CAMTA1: variants seen among roughly 807,000 people sequenced by gnomAD.
The protein encoded by CAMTA1 is calmodulin-binding transcription activator 1.
CAMTA1 carries 27 observed loss-of-function variants against 170.9 expected under a neutral mutation model. The observed-to-expected ratio is 0.16, with a 90% CI of 0.12 to 0.22. The LOEUF (loss-of-function observed/expected upper bound fraction) is 0.22, where lower values mean the gene tolerates loss of function less well. Among genes scored for constraint, CAMTA1 ranks in the 10% least tolerant of loss-of-function variants. The probability of loss-of-function intolerance (pLI) is 1.00; values close to 1 mark genes in which losing one functional copy is unlikely to be tolerated. For synonymous variants in CAMTA1, 833 were observed against 891.5 expected (o/e 0.93, Z 1.17); for missense variants, 1,619 against 2,217.2 (o/e 0.73, Z 5.42).
chr1:7,509,087 C>T (rs2094163978), intron 6 of CAMTA1, among the ~76,000 whole-genome samples: 1 of 152,210 alleles, frequency 6.6e-6, no homozygotes. Context: ...ACTCACCCCA[C>T]TGGGATGGCT....
At chr1:6,948,785 CT>C (rs1687976215) in intron 3 of CAMTA1, among the ~76,000 whole-genome samples, 1 of 152,282 alleles carries the variant, frequency 6.6e-6, no homozygotes, top group African/African-American at 2.4e-5. Context: ...ATGGCAGGGT[CT>C]CCCCTCAAAC....
chr1:7,272,712 A>AAAAAAAAAAAAAAAAAAAAAAAAAAAAG (rs1670017608), intron 5 of CAMTA1, among the ~76,000 whole-genome samples: 8 of 109,948 alleles, frequency 7.3e-5, no homozygotes, highest in Non-Finnish European at 1.6e-4. Flanking sequence ...AAAAAAAAAA[A>AAAAAAAAAAAAAAAAAAAAAAAAAAAAG]AAAAGAAAAG....
chr1:7,683,181 CA>C (rs34814185), intron 11 of CAMTA1, among the ~76,000 whole-genome samples: 18,801 of 89,368 alleles, frequency 0.21, 1,252 homozygotes, highest in South Asian at 0.36. Context: ...GACTCTGTCT[CA>C]AAAAAAAAAA....
chr1:7,043,369 CTG>C (rs111515652), intron 3 of CAMTA1, among the ~76,000 whole-genome samples: 24,326 of 104,340 alleles, frequency 0.23, 2,362 homozygotes, highest in African/African-American at 0.43. Flanking sequence ...GTGCATGTCT[CTG>C]TGTGTGTGTG....
intron 5 of CAMTA1, among the ~76,000 whole-genome samples, chr1:7,305,134 A>G (rs368015174): frequency 3.3e-5 from 5 of 152,076 alleles, no homozygotes; most frequent in African/African-American, 1.2e-4. Flanking sequence ...GCTGGTAGGC[A>G]TGTGCCTTCT....
chr1:7,198,894 C>A (rs1226006939), intron 4 of CAMTA1, among the ~76,000 whole-genome samples: 2 of 152,194 alleles, frequency 1.3e-5, no homozygotes, highest in Non-Finnish European at 2.9e-5. Context: ...TGGATGCAGG[C>A]AGGAGCACAC....
chr1:7,711,524 T>A (rs1451886434), intron 11 of CAMTA1, among the ~76,000 whole-genome samples: 1 of 152,230 alleles, frequency 6.6e-6, no homozygotes, highest in Non-Finnish European at 1.5e-5. Context: ...AAACTCACTC[T>A]AGGGCTTTCT....
chr1:7,653,855 A>T (rs1042711569), intron 7 of CAMTA1, among the ~76,000 whole-genome samples: 2 of 152,194 alleles, frequency 1.3e-5, no homozygotes, highest in African/African-American at 4.8e-5. Flanking sequence ...TGCCCTCAGG[A>T]TCCAAACTCC....
chr1:7,084,827 CA>C (rs1426859002), intron 3 of CAMTA1, among the ~76,000 whole-genome samples: 13 of 152,184 alleles, frequency 8.5e-5, no homozygotes, highest in Non-Finnish European at 1.8e-4. Context: ...GGGAAACACA[CA>C]GGGACTTAGT....
rs2149310385 is a variant in CAMTA1, at chr1:6,918,624, A to T, written c.234+93414A>T. Among the ~76,000 whole-genome samples the T allele has an allele frequency of 6.6e-6, 1 of 152,340 alleles. No individual in the cohort carries two copies. The highest frequency in any genetic ancestry group is 2.4e-5 in the African/African-American group (1 of 41,584). Reference sequence around the variant, plus strand: ...CCTTGCCGACAGCACCTCCCGAGGAACTCAGAACTTCCCCCGTGGGCCTCA... The same window carrying T: ...CCTTGCCGACAGCACCTCCCGAGGATCTCAGAACTTCCCCCGTGGGCCTCA... On this transcript the variant is annotated intron_variant, in intron 3 of 22. Transcript: ENST00000303635. The surrounding 1 kb of genome is among the most constrained non-coding windows in gnomAD (Gnocchi z 4.0).
At chr1:6,812,139 AC>A (rs1247564475) in intron 1 of CAMTA1, among the ~76,000 whole-genome samples, 1 of 152,114 alleles carries the variant, frequency 6.6e-6, no homozygotes, top group Non-Finnish European at 1.5e-5. Flanking sequence ...CATCGTACTT[AC>A]TTTTTCTGCC....
At chr1:7,587,228 G>A (rs2095318174) in intron 6 of CAMTA1, among the ~76,000 whole-genome samples, 1 of 152,076 alleles carries the variant, frequency 6.6e-6, no homozygotes, top group Admixed American at 6.5e-5. Flanking sequence ...TATTGGAGTT[G>A]AGCCCATCCA....
At chr1:7,100,311 T>G (rs1219823794) in intron 4 of CAMTA1, among the ~76,000 whole-genome samples, 1 of 152,180 alleles carries the variant, frequency 6.6e-6, no homozygotes, top group Non-Finnish European at 1.5e-5. Context: ...TGGATTTATA[T>G]TAGTTTTCAT....
At chr1:7,167,324 T>A (rs1383544447) in intron 4 of CAMTA1, among the ~76,000 whole-genome samples, 1 of 152,148 alleles carries the variant, frequency 6.6e-6, no homozygotes, top group Non-Finnish European at 1.5e-5. Context: ...ATTGGATGAG[T>A]CATCCTTTCC....
intron 3 of CAMTA1, among the ~76,000 whole-genome samples, chr1:6,928,989 G>A (rs780558871): frequency 6.6e-5 from 10 of 152,220 alleles, no homozygotes; most frequent in East Asian, 1.9e-4. Context: ...TGGGGCTTCC[G>A]CAGGACAGTG....
intron 4 of CAMTA1, among the ~76,000 whole-genome samples, chr1:7,133,489 G>A (rs1645378174): frequency 6.6e-6 from 1 of 151,942 alleles, no homozygotes; most frequent in African/African-American, 2.4e-5. Flanking sequence ...TTTTTCTAGA[G>A]GTTTATCAAT....
At chr1:7,046,651 G>A (rs1425284492) in intron 3 of CAMTA1, among the ~76,000 whole-genome samples, 1 of 152,182 alleles carries the variant, frequency 6.6e-6, no homozygotes, top group East Asian at 1.9e-4. Flanking sequence ...AGAGACAGTG[G>A]GAGAGAGGAG....
chr1:7,570,777 G>C lies in CAMTA1; in HGVS notation c.511-69623G>C, dbSNP rs1044670595. 6.6e-6 allele frequency among the ~76,000 whole-genome samples: 1 copy of C among 152,176 alleles called. No individual in the cohort carries two copies. The highest frequency in any genetic ancestry group is 1.5e-5 in the Non-Finnish European group (1 of 68,042). ...CCTCTGCTCTCCATCACCCCCCACC[G>C]CAGAGGGAAAATCAGTGTTATCATG... On this transcript the variant is annotated intron_variant, in intron 6 of 22. Transcript: ENST00000303635. This position sits in a 1 kb window ranked among gnomAD's most constrained non-coding sequence, Gnocchi z 4.3.
chr1:6,841,263 T>C (rs1486466832), intron 3 of CAMTA1, among the ~76,000 whole-genome samples: 2 of 152,246 alleles, frequency 1.3e-5, no homozygotes, highest in Non-Finnish European at 2.9e-5. Flanking sequence ...TAAGGTCAGC[T>C]GATTAACAAC....
Sources: allele counts gnomAD v4.1 joint callset (sites outside exome capture counted in the v4.1 genomes callset), GRCh38; gene constraint gnomAD v4.1.1; non-coding constraint Gnocchi (gnomAD v3.1); transcripts MANE v1.5; gene names NCBI Gene and HGNC (gene_info 2026-07-23, HGNC 2026-07-21).